The following ASB15 variants were observed in gnomAD, a reference collection of about 807,000 sequenced individuals.
The protein encoded by ASB15 is ankyrin repeat and SOCS box containing 15, also known as ankyrin repeat and SOCS box protein 15.
Under a neutral mutation model 58.0 loss-of-function variants are expected in ASB15, and 54 were observed. The observed-to-expected ratio is 0.93, with a 90% confidence interval of 0.75 to 1.17. The LOEUF is 1.17. ASB15 is among the 50% of genes most tolerant of loss of function. The pLI is 0.00. For missense variants in ASB15, 680 were observed against 707.4 expected (o/e 0.96, Z 0.44); for synonymous variants, 249 against 262.4 (o/e 0.95, Z 0.50).
chr7:123,612,573 G>A (rs1584774098), intron 3 of ASB15, among the ~76,000 whole-genome samples: 1 of 152,106 alleles, frequency 6.6e-6, no homozygotes, highest in African/African-American at 2.4e-5. Context: ...AACACAGTGC[G>A]AGCCATGGAT....
At chr7:123,573,321 G>T (rs1584720452) in intron 1 of ASB15, among the ~76,000 whole-genome samples, 2 of 114,982 alleles carry the variant, frequency 1.7e-5, no homozygotes, top group Non-Finnish European at 1.8e-5. Flanking sequence ...CTTAGGGTTT[G>T]GAAATTTAGT....
At chr7:123,574,639 C>A (rs1217774097) in intron 1 of ASB15, among the ~76,000 whole-genome samples, 1 of 152,132 alleles carries the variant, frequency 6.6e-6, no homozygotes, top group Non-Finnish European at 1.5e-5. Flanking sequence ...AAGTTTGAGG[C>A]CCTCTAACAT....
At chr7:123,594,454 A>AT (rs1799637114) in intron 1 of ASB15, among the ~76,000 whole-genome samples, 1 of 152,020 alleles carries the variant, frequency 6.6e-6, no homozygotes. Flanking sequence ...TGACCTACGT[A>AT]TGGGGTTTTG....
At chr7:123,636,468 T>C (rs1802433050) in intron 11 of ASB15, among the ~76,000 whole-genome samples, 1 of 152,158 alleles carries the variant, frequency 6.6e-6, no homozygotes, top group African/African-American at 2.4e-5. Context: ...AATATTTAGC[T>C]CTATAATACT....
intron 10 of ASB15, among the ~76,000 whole-genome samples, chr7:123,629,751 C>T (rs968722905): frequency 1.3e-5 from 2 of 152,116 alleles, no homozygotes; most frequent in Non-Finnish European, 2.9e-5. Flanking sequence ...CTTCTCCATG[C>T]TTTGCTGACT....
intron 3 of ASB15, among the ~76,000 whole-genome samples, chr7:123,612,916 A>G (rs1269106244): frequency 1.3e-5 from 2 of 152,214 alleles, no homozygotes; most frequent in Non-Finnish European, 2.9e-5. Context: ...CAATGAGCCA[A>G]TAAACAATAA....
intron 1 of ASB15, among the ~76,000 whole-genome samples, chr7:123,583,936 G>C (rs950683218): frequency 1.2e-4 from 18 of 151,920 alleles, no homozygotes; most frequent in Non-Finnish European, 4.4e-5. Context: ...ATTTGATACA[G>C]TCGATCACTC....
intron 1 of ASB15, among the ~76,000 whole-genome samples, chr7:123,578,449 T>C (rs1159614703): frequency 6.6e-6 from 1 of 151,950 alleles, no homozygotes; most frequent in Non-Finnish European, 1.5e-5. Context: ...TCTTTCCTCC[T>C]TCTACTTATT....
chr7:123,622,247 AT>A (rs1383299759), intron 7 of ASB15, among the ~76,000 whole-genome samples: 1 of 152,100 alleles, frequency 6.6e-6, no homozygotes, highest in African/African-American at 2.4e-5. Context: ...AGAATTCTAG[AT>A]TTTAGAATTT....
chr7:123,597,917 C>CGTGTGT (rs61508655), upstream of ASB15, among the ~76,000 whole-genome samples: 4,998 of 132,978 alleles, frequency 0.038, 109 homozygotes, highest in Non-Finnish European at 0.051. Flanking sequence ...TTTCAAACTT[C>CGTGTGT]GTGTGTGTGT....
chr7:123,593,291 T>C (rs2116368212), intron 1 of ASB15, among the ~76,000 whole-genome samples: 1 of 152,318 alleles, frequency 6.6e-6, no homozygotes, highest in Admixed American at 6.5e-5. Flanking sequence ...AATATTGTTA[T>C]GTGTGAGTTT....
At chr7:123,623,407 T>C (rs1474597633) in intron 7 of ASB15, among the ~76,000 whole-genome samples, 1 of 152,268 alleles carries the variant, frequency 6.6e-6, no homozygotes, top group East Asian at 1.9e-4. Context: ...GAAAACCTTG[T>C]AACAGTATAA....
intron 7 of ASB15, among the ~76,000 whole-genome samples, chr7:123,620,668 T>A (rs758752980): frequency 1.4e-5 from 2 of 140,178 alleles, no homozygotes; most frequent in East Asian, 4.6e-4. Context: ...GTTCACACCA[T>A]TCTCCTGCCT....
At chr7:123,599,242 A>G (rs1799795964), upstream of ASB15, among the ~76,000 whole-genome samples, 2 of 151,564 alleles carry the variant, frequency 1.3e-5, no homozygotes, top group African/African-American at 2.4e-5. Flanking sequence ...CTTAAAAACA[A>G]CAACAAAAAA....
intron 7 of ASB15, among the ~76,000 whole-genome samples, chr7:123,623,915 GAAGGAAGAAAGAAAGAAAAGAAAGA>G (rs1394662137): frequency 6.6e-5 from 6 of 91,080 alleles, no homozygotes; most frequent in Non-Finnish European, 8.8e-5. Flanking sequence ...AGGAAGGAAG[GAAGGAAGAAAGAAAGAAAAGAAAGA>G]AAGAAAGAAA....
chr7:123,602,884 G>A (rs182778883), intron 1 of ASB15, among the ~76,000 whole-genome samples: 19 of 152,126 alleles, frequency 1.2e-4, no homozygotes, highest in East Asian at 1.2e-3. Flanking sequence ...AGATGACTGG[G>A]CTATATCCCA....
intron 1 of ASB15, among the ~76,000 whole-genome samples, chr7:123,593,978 C>A (rs1365204487): frequency 6.6e-6 from 1 of 152,096 alleles, no homozygotes; most frequent in Non-Finnish European, 1.5e-5. Context: ...TTGTTCATTT[C>A]TTTTCACTCT....
At position 123,617,616 on chromosome 7, in the gene ASB15, T is replaced by G; in HGVS notation, c.330T>G (p.Asp110Glu). ...YKTLWEFKTCDGETPLTLAVK... is the reference protein window; with the variant it reads ...YKTLWEFKTCEGETPLTLAVK... The stretch of plus-strand genomic sequence containing the variant: ...CACTCTGGGAATTCAAGACCTGTGA[T>G]GGAGAAACACCCTTGACTTTGGCAG... Residue 110 changes from aspartate to glutamate, a missense_variant, in exon 7 of 12, where the codon GAT becomes GAG. Asp to Glu is a conservative substitution (Grantham distance 45). Coordinates refer to ENST00000451215, the MANE Select transcript of ASB15 (RefSeq NM_001290258.2). 1 of 1,611,474 alleles carries G rather than the reference T, an allele frequency of 6.2e-7. No homozygotes were observed. Among genetic ancestry groups the G allele is most frequent in the Non-Finnish European group, 8.5e-7 (1 of 1,177,606 alleles).
chr7:123,584,395 G>A (rs933058394), intron 1 of ASB15, among the ~76,000 whole-genome samples: 1 of 151,708 alleles, frequency 6.6e-6, no homozygotes, highest in Non-Finnish European at 1.5e-5. Context: ...GAGGGAGGCG[G>A]CTAGGCATCA....
Sources: allele counts gnomAD v4.1 joint callset (sites outside exome capture counted in the v4.1 genomes callset), GRCh38; gene constraint gnomAD v4.1.1; transcripts MANE v1.5; gene names NCBI Gene and HGNC (gene_info 2026-07-23, HGNC 2026-07-21).